MIA2: variants seen among roughly 807,000 people sequenced by gnomAD.
MIA2 encodes the protein melanoma inhibitory activity protein 2.
A neutral mutation model predicts 167.8 loss-of-function variants in MIA2; 127 were observed. The observed-to-expected ratio is 0.76, with a 90% CI of 0.66 to 0.88. MIA2 has a LOEUF of 0.88. MIA2 is among the 40% of genes least tolerant of loss of function. MIA2 has a pLI of 0.00. For synonymous variants in MIA2, 552 were observed against 541.9 expected (o/e 1.02, Z -0.26); for missense variants, 1,690 against 1,624.7 (o/e 1.04, Z -0.69).
chr14:39,246,831 C>T, intron 3 of MIA2, 80 bp from the exon 4 acceptor site: 6 of 761,406 alleles, frequency 7.9e-6, no homozygotes, highest in Non-Finnish European at 1.2e-5. Context: ...ATATCACAAT[C>T]ATCCATTTTA....
intron 6 of MIA2, among the ~76,000 whole-genome samples, chr14:39,273,048 T>A (rs2057404932): frequency 2.0e-5 from 3 of 152,130 alleles, no homozygotes; most frequent in African/African-American, 7.2e-5. Context: ...TTTCTATAGG[T>A]TCTTTAGGAT....
Position 39,370,594 on chromosome 14 carries a change from C to T in MIA2, c.2249-16291C>T, listed in dbSNP as rs75495198. 8.5e-5 allele frequency: 31 copies of T among 364,522 alleles called. No homozygotes were observed. The East Asian group carries it at 2.8e-3, about 33-fold the overall frequency. 22.6% of individuals were successfully genotyped at this position (364,522 alleles called of 1,614,324 possible). A position where few individuals can be genotyped will look rare whatever the true frequency, so the allele number is the denominator to read the frequency against. On this transcript the variant is annotated intron_variant, in intron 23 of 23. Transcript: ENST00000341502. ...GCCGCATTGGGGCTGCTCCGGCATC[C>T]TCTTGAGGAAGTCCAGCACCTTGTC... is the stretch of plus-strand genomic sequence containing the variant.
At chr14:39,365,603 C>T (rs1352077433) in intron 23 of MIA2, among the ~76,000 whole-genome samples, 3 of 151,692 alleles carry the variant, frequency 2.0e-5, no homozygotes, top group Non-Finnish European at 4.4e-5. Context: ...TTTGTAATTT[C>T]ATGTATTGAA....
intron 18 of MIA2, among the ~76,000 whole-genome samples, chr14:39,312,488 C>CA (rs2064498801): frequency 6.6e-6 from 1 of 152,192 alleles, no homozygotes; most frequent in Admixed American, 6.5e-5. Context: ...TTGTTCTTCT[C>CA]AAAGTTCATG....
intron 6 of MIA2, chr14:39,269,197 A>G (rs1414648391): frequency 2.4e-6 from 1 of 414,692 alleles, no homozygotes; most frequent in Admixed American, 6.7e-5. Context: ...GTATTGAGAT[A>G]TATTCACACA....
Position 39,371,374 on chromosome 14 carries a change from A to G in MIA2, c.2249-15511A>G, listed in dbSNP as rs566316023. ...CTTTGGAACCAGGTTGGTTGCAAAA[A>G]AAGACAAGACTTTTTTAGGGCCAAT... On this transcript the variant is annotated intron_variant, in intron 23 of 23. Transcript: ENST00000341502. 1.4e-3 allele frequency among the ~76,000 whole-genome samples: 212 copies of G among 152,320 alleles called. 2 individuals are homozygous for G. The highest frequency in any genetic ancestry group is 4.8e-3 in the African/African-American group (199 of 41,572).
chr14:39,322,535 G>A (rs1341394408), intron 24 of MIA2, among the ~76,000 whole-genome samples: 21 of 128,016 alleles, frequency 1.6e-4, no homozygotes, highest in African/African-American at 4.2e-4. Context: ...GCGAGACTCC[G>A]TCTCAAAAAA....
chr14:39,259,116 A>G (rs1267898276), intron 6 of MIA2, among the ~76,000 whole-genome samples: 1 of 152,248 alleles, frequency 6.6e-6, no homozygotes, highest in African/African-American at 2.4e-5. Context: ...CTGTGCTGAT[A>G]GAATCCCTCT....
rs900202386 is a variant in MIA2, at chr14:39,374,736, G to C, written c.2249-12149G>C. Among the ~76,000 whole-genome samples the C allele has an allele frequency of 2.6e-5, 4 of 152,206 alleles. No individual in the cohort carries two copies. In the South Asian group the frequency reaches 8.3e-4, roughly 32 times the overall value. ...AGGCAGCTATTTAACAGGTCTGAGG[G>C]ATGTTTCTGTATTGAGACTGACCCA... On this transcript the variant is annotated intron_variant, in intron 23 of 23. Coordinates refer to the MIA2 transcript ENST00000341502.
At chr14:39,336,289 C>A (rs957194747) in intron 25 of MIA2, among the ~76,000 whole-genome samples, 5 of 152,086 alleles carry the variant, frequency 3.3e-5, no homozygotes, top group Admixed American at 6.6e-5. Flanking sequence ...TTAATAGTAG[C>A]CATTCTGACT....
chr14:39,296,127 A>G (rs2061388958), intron 13 of MIA2, among the ~76,000 whole-genome samples: 1 of 151,804 alleles, frequency 6.6e-6, no homozygotes, highest in South Asian at 2.1e-4. Flanking sequence ...CTTCACCCCC[A>G]TCCTAAAGGT....
chr14:39,256,869 A>G (rs1237012278), intron 6 of MIA2, among the ~76,000 whole-genome samples: 4 of 152,252 alleles, frequency 2.6e-5, no homozygotes, highest in African/African-American at 4.8e-5. Context: ...CAACAATTCA[A>G]GAAATTTTAG....
At chr14:39,380,549 T>C (rs895610783) in intron 23 of MIA2, among the ~76,000 whole-genome samples, 1 of 151,826 alleles carries the variant, frequency 6.6e-6, no homozygotes, top group Admixed American at 6.6e-5. Flanking sequence ...AAAAATTAGC[T>C]GGGCATGGTG....
intron 23 of MIA2, among the ~76,000 whole-genome samples, chr14:39,361,433 T>A (rs1358266161): frequency 8.8e-6 from 1 of 114,264 alleles, no homozygotes; most frequent in East Asian, 3.0e-4. Flanking sequence ...CTTTTAGGTG[T>A]GTGGTTTTTT....
chr14:39,284,128 AAGGCC>A (rs2059312710), intron 9 of MIA2, among the ~76,000 whole-genome samples: 1 of 152,134 alleles, frequency 6.6e-6, no homozygotes, highest in South Asian at 2.1e-4. Context: ...AATTATTGCC[AAGGCC>A]AGTGTCAGGG....
Position 39,341,373 on chromosome 14 carries a change from A to G in MIA2, c.3656-4531A>G, listed in dbSNP as rs564462771. Among the ~76,000 whole-genome samples the G allele has an allele frequency of 8.3e-4, 126 of 152,292 alleles. 4 individuals carry two copies. Among genetic ancestry groups the G allele is most frequent in the Admixed American group, 8.0e-3 (122 of 15,288 alleles). On this transcript the variant is annotated intron_variant, in intron 25 of 28. Transcript: ENST00000640607. ...GATAATATAACATATTTATTTGCTG[A>G]TGGGAATAATTCAGGCTAGAAGGGG...
chr14:39,318,220 A>G (rs2065837408), intron 22 of MIA2, among the ~76,000 whole-genome samples: 1 of 152,194 alleles, frequency 6.6e-6, no homozygotes, highest in East Asian at 1.9e-4. Context: ...GAAACTGTTA[A>G]CAGATTATTC....
chr14:39,361,914 G>C (rs1303577791), intron 23 of MIA2, among the ~76,000 whole-genome samples: 5 of 152,086 alleles, frequency 3.3e-5, no homozygotes, highest in Non-Finnish European at 7.4e-5. Flanking sequence ...ATAATGAAGG[G>C]ATGTTTAATT....
chr14:39,363,679 T>G (rs755881800), intron 23 of MIA2, among the ~76,000 whole-genome samples: 5 of 152,248 alleles, frequency 3.3e-5, no homozygotes, highest in Non-Finnish European at 7.3e-5. Flanking sequence ...TTCAGATATT[T>G]CTTCTAGGTG....
Sources: allele counts gnomAD v4.1 joint callset (sites outside exome capture counted in the v4.1 genomes callset), GRCh38; gene constraint gnomAD v4.1.1; transcripts MANE v1.5; gene names NCBI Gene and HGNC (gene_info 2026-07-23, HGNC 2026-07-21).